Variants in DCPS observed in about 807,000 individuals in gnomAD.
DCPS encodes the protein m7GpppX diphosphatase.
Under a neutral mutation model 34.7 loss-of-function variants are expected in DCPS, and 27 were observed. The ratio of observed to expected loss-of-function variants is 0.78; its 90% CI spans 0.57 to 1.07. The LOEUF (loss-of-function observed/expected upper bound fraction) is 1.07. Ranked by LOEUF, DCPS falls within the 50% of genes least tolerant of loss-of-function variation. DCPS has a pLI of 0.00. For synonymous variants in DCPS, 185 were observed against 185.7 expected, an observed-to-expected ratio of 1.00 and a Z score of 0.03; for missense variants, 464 against 436.9, an observed-to-expected ratio of 1.06 and a Z score of -0.55.
Position 126,347,418 on chromosome 11 carries a change from T to C in DCPS, c.*1805T>C, listed in dbSNP as rs530372794. 2.6e-5 allele frequency among the ~76,000 whole-genome samples: 4 copies of C among 152,154 alleles called. No homozygotes were observed. The South Asian group carries it at 8.3e-4, about 32-fold the overall frequency. ...TTTGTATTTTTAGTAGAGACGGGGT[T>C]TCACCATGTTGGCCAGGCTGGTCTC... is the stretch of plus-strand genomic sequence containing the variant. On this transcript the variant is annotated 3_prime_UTR_variant, in exon 6 of 6. Transcript: ENST00000263579. This position sits in a 1 kb window ranked among gnomAD's most constrained non-coding sequence, Gnocchi z 4.2.
Position 126,329,575 on chromosome 11 carries a change from T to C in DCPS, c.377-1830T>C, listed in dbSNP as rs1951766126. Among the ~76,000 whole-genome samples the C allele has an allele frequency of 6.6e-6, 1 of 152,168 alleles. No individual in the cohort carries two copies. Among genetic ancestry groups the C allele is most frequent in the South Asian group, 2.1e-4 (1 of 4,834 alleles). On this transcript the variant is annotated intron_variant, in intron 2 of 5. Coordinates refer to ENST00000263579, the MANE Select transcript of DCPS (RefSeq NM_014026.6). The surrounding 1 kb of genome is among the most constrained non-coding windows in gnomAD (Gnocchi z 5.0). ...CAGAAGCCACGTGCCTGGTATGTCA[T>C]CTCTGTGCATCCCCACTGGGACTTG...
At position 126,337,179 on chromosome 11, in the gene DCPS, C is replaced by G. The variant is rs1158106501; in HGVS notation, c.523-1107C>G. ...TCGGTTCCCTGGCCTCCCCATCCCACCTCGTGTCCATGGCTCCTTCTCCTA... is the reference window on the plus strand; with the variant it reads ...TCGGTTCCCTGGCCTCCCCATCCCAGCTCGTGTCCATGGCTCCTTCTCCTA... On this transcript the variant is annotated intron_variant, in intron 3 of 5. Transcript: ENST00000263579. This position sits in a 1 kb window ranked among gnomAD's most constrained non-coding sequence, Gnocchi z 5.3. 6.6e-6 allele frequency: 1 copy of G among 152,254 alleles called. No individual in the cohort carries two copies. Among genetic ancestry groups the G allele is most frequent in the Non-Finnish European group, 1.5e-5 (1 of 68,076 alleles). 9.4% of individuals were successfully genotyped at this position (152,254 alleles called of 1,614,324 possible). A position where few individuals can be genotyped will look rare whatever the true frequency, so the allele number is the denominator to read the frequency against.
At chr11:126,343,212 GTGGGTGCTTCC>G in intron 4 of DCPS, 84 bp from the exon 5 acceptor site, 1 of 961,146 alleles carries the variant, frequency 1.0e-6, no homozygotes, top group Non-Finnish European at 1.6e-6. Context: ...GGCCTCAGGG[GTGGGTGCTTCC>G]TGGCTTACGT....
rs1216078924 is a variant in DCPS, at chr11:126,349,710, C to T, written c.*4097C>T. 2.0e-5 allele frequency among the ~76,000 whole-genome samples: 3 copies of T among 152,170 alleles called. No homozygotes were observed. The highest frequency in any genetic ancestry group is 6.5e-5 in the Admixed American group (1 of 15,282). Reference sequence around the variant, plus strand: ...GATGTAGGTCTGCCAACTCTTCCTTCTCAGGAAGGACTGTTTTTATTCCAA... The same window carrying T: ...GATGTAGGTCTGCCAACTCTTCCTTTTCAGGAAGGACTGTTTTTATTCCAA... On this transcript the variant is annotated 3_prime_UTR_variant, in exon 6 of 6. Transcript: ENST00000263579. This position sits in a 1 kb window ranked among gnomAD's most constrained non-coding sequence, Gnocchi z 5.4.
rs544295379 is a variant in DCPS at position 126,347,784 on chromosome 11, G to A, written c.*2171G>A. 1.1e-4 allele frequency among the ~76,000 whole-genome samples: 17 copies of A among 152,312 alleles called. No homozygotes were observed. The highest frequency in any genetic ancestry group is 8.3e-4 in the South Asian group (4 of 4,832). Reference sequence around the variant, plus strand: ...TCCAGCTTGCAGGAATGCTCCCTGCGTCTCAGTTGTGCCCATTCCAGGTCC... The same window carrying A: ...TCCAGCTTGCAGGAATGCTCCCTGCATCTCAGTTGTGCCCATTCCAGGTCC... On this transcript the variant is annotated 3_prime_UTR_variant, in exon 6 of 6. Coordinates refer to ENST00000263579, the MANE Select transcript of DCPS (RefSeq NM_014026.6). This position sits in a 1 kb window ranked among gnomAD's most constrained non-coding sequence, Gnocchi z 4.2.
At position 126,327,015 on chromosome 11, in the gene DCPS, G is replaced by C. The variant is rs568169681; in HGVS notation, c.377-4390G>C. On this transcript the variant is annotated intron_variant, in intron 2 of 5. Coordinates refer to ENST00000263579, the MANE Select transcript of DCPS (RefSeq NM_014026.6). The surrounding 1 kb of genome is among the most constrained non-coding windows in gnomAD (Gnocchi z 4.1). ...TGTCTCCACATATACGTAGAATAAT[G>C]ATAACGATGGATATAAAAAAGGGTA... Among the ~76,000 whole-genome samples the C allele has an allele frequency of 1.4e-4, 21 of 152,264 alleles. No homozygotes were observed. The highest frequency in any genetic ancestry group is 4.6e-4 in the African/African-American group (19 of 41,552).
chr11:126,313,976 G>A lies in DCPS; in HGVS notation c.376+7232G>A, dbSNP rs183312228. ...TCAAGGGCTGCATCCTCATTCTGAA[G>A]TGTGGTTTTCAGTCACAGTTCTCAA... On this transcript the variant is annotated intron_variant, in intron 2 of 5. Coordinates refer to ENST00000263579, the MANE Select transcript of DCPS (RefSeq NM_014026.6). This position sits in a 1 kb window ranked among gnomAD's most constrained non-coding sequence, Gnocchi z 4.9. Among the ~76,000 whole-genome samples the A allele has an allele frequency of 4.2e-3, 645 of 152,332 alleles. 6 individuals are homozygous for A. The highest frequency in any genetic ancestry group is 0.015 in the African/African-American group (610 of 41,580).
In DCPS at chr11:126,345,723, C is replaced by A; in HGVS notation, c.*110C>A. ...AAATGTATTTTATACCGGCTTATTCCTAGTATTGAATAAACTAGCGGGCTC... is the reference window on the plus strand; with the variant it reads ...AAATGTATTTTATACCGGCTTATTCATAGTATTGAATAAACTAGCGGGCTC... On this transcript the variant is annotated 3_prime_UTR_variant, in exon 6 of 6. Transcript: ENST00000263579. The surrounding 1 kb of genome is among the most constrained non-coding windows in gnomAD (Gnocchi z 7.4). 1 of 1,484,908 alleles carries A rather than the reference C, an allele frequency of 6.7e-7. No individual in the cohort carries two copies. The highest frequency in any genetic ancestry group is 2.3e-5 in the East Asian group (1 of 43,594). 92.0% of individuals were successfully genotyped at this position (1,484,908 alleles called of 1,614,324 possible). A position where few individuals can be genotyped will look rare whatever the true frequency, so the allele number is the denominator to read the frequency against.
intron 4 of DCPS, among the ~76,000 whole-genome samples, chr11:126,343,082 A>G (rs540412792): frequency 6.6e-6 from 1 of 151,950 alleles, no homozygotes; most frequent in African/African-American, 2.4e-5. Context: ...AAAAAAAAAA[A>G]AAAAAGGACT....
At chr11:126,326,364 C>T (rs1454148485) in intron 2 of DCPS, among the ~76,000 whole-genome samples, 1 of 152,272 alleles carries the variant, frequency 6.6e-6, no homozygotes, top group East Asian at 1.9e-4. Flanking sequence ...GGGTCCCGGC[C>T]CTGAGCACCA....
rs756790687 is a variant in DCPS, at chr11:126,331,428, C to G, written c.400C>G (p.Pro134Ala). 6.2e-7 allele frequency: 1 copy of G among 1,613,990 alleles called. No homozygotes were observed. The highest frequency in any genetic ancestry group is 8.5e-7 in the Non-Finnish European group (1 of 1,180,020). Residue 134 changes from proline to alanine, a missense_variant, in exon 3 of 6, where the codon CCT becomes GCT. Coordinates refer to ENST00000263579, the MANE Select transcript of DCPS (RefSeq NM_014026.6). This position sits in a 1 kb window ranked among gnomAD's most constrained non-coding sequence, Gnocchi z 7.2. The stretch of plus-strand genomic sequence containing the variant: ...AGATGTAAAGACGACCGTGGTTTAC[C>G]CTGCCACAGAGAAACACCTGCAGAA... ...LNDVKTTVVY[P>A]ATEKHLQKYL...
intron 1 of DCPS, 75 bp downstream of exon 1, chr11:126,304,356 T>C (rs1951546100): frequency 6.4e-7 from 1 of 1,566,068 alleles, no homozygotes; most frequent in South Asian, 1.1e-5. Context: ...GATTTTTTTT[T>C]TTCGGATCTC....
rs1387847681 is a variant in DCPS at position 126,316,308 on chromosome 11, A to G, written c.376+9564A>G. Among the ~76,000 whole-genome samples, 7 of 151,572 alleles carry G rather than the reference A, an allele frequency of 4.6e-5. 1 individual carries two copies. The highest frequency in any genetic ancestry group is 7.3e-5 in the African/African-American group (3 of 41,132). ...ACAAATGTATAAACTTTCTTAAAAC[A>G]TGAGATTTTTTCCGTGATTTCTTTT... On this transcript the variant is annotated intron_variant, in intron 2 of 5. Coordinates refer to ENST00000263579, the MANE Select transcript of DCPS (RefSeq NM_014026.6).
chr11:126,338,006 C>T lies in DCPS; in HGVS notation c.523-280C>T. On this transcript the variant is annotated intron_variant, in intron 3 of 5. Coordinates refer to ENST00000263579, the MANE Select transcript of DCPS (RefSeq NM_014026.6). This position sits in a 1 kb window ranked among gnomAD's most constrained non-coding sequence, Gnocchi z 5.4. ...GCCTCCGCAGAGCATGTGCACTATG[C>T]TGACCAGGAAGAGCCTGGCCCCTTC... The T allele has an allele frequency of 2.2e-6, 1 of 460,912 alleles. No individual in the cohort carries two copies. Among genetic ancestry groups the T allele is most frequent in the Non-Finnish European group, 4.0e-6 (1 of 250,076 alleles). 28.6% of individuals were successfully genotyped at this position (460,912 alleles called of 1,614,324 possible).
chr11:126,307,835 A>G (rs1488094597), intron 2 of DCPS, among the ~76,000 whole-genome samples: 3 of 152,252 alleles, frequency 2.0e-5, no homozygotes, highest in African/African-American at 7.2e-5. Context: ...GGAGGACTTT[A>G]CGAATGAGGA....
intron 2 of DCPS, among the ~76,000 whole-genome samples, chr11:126,314,357 G>C (rs1345402419): frequency 6.6e-6 from 1 of 152,156 alleles, no homozygotes; most frequent in East Asian, 1.9e-4. Context: ...TGGTGTGGAT[G>C]CAGTGAAAAG....
In DCPS at chr11:126,313,214, G is replaced by A. The variant is rs1951631965; in HGVS notation, c.376+6470G>A. On this transcript the variant is annotated intron_variant, in intron 2 of 5. Transcript: ENST00000263579. The surrounding 1 kb of genome is among the most constrained non-coding windows in gnomAD (Gnocchi z 4.9). Reference sequence around the variant, plus strand: ...CATTTGTGAGTGAGGCCAGGGCGGGGAGCAGAGGGGTGGGATCCTGGGAAT... The same window carrying A: ...CATTTGTGAGTGAGGCCAGGGCGGGAAGCAGAGGGGTGGGATCCTGGGAAT... Among the ~76,000 whole-genome samples the A allele has an allele frequency of 6.6e-6, 1 of 152,180 alleles. No individual in the cohort carries two copies. Among genetic ancestry groups the A allele is most frequent in the Non-Finnish European group, 1.5e-5 (1 of 68,038 alleles).
In DCPS at chr11:126,323,541, CTT is replaced by C. The variant is rs11291658; in HGVS notation, c.377-7853_377-7852del. On this transcript the variant is annotated intron_variant, in intron 2 of 5. Coordinates refer to ENST00000263579, the MANE Select transcript of DCPS (RefSeq NM_014026.6). The surrounding 1 kb of genome is among the most constrained non-coding windows in gnomAD (Gnocchi z 4.4). The stretch of plus-strand genomic sequence containing the variant: ...TATTAAAGTTGCATTTCTTTCTTTT[CTT>C]TTTTTTTTTTGAGACAGGGTCTTGC... 2.0e-4 allele frequency among the ~76,000 whole-genome samples: 30 copies of C among 147,396 alleles called. No individual in the cohort carries two copies. The highest frequency in any genetic ancestry group is 3.4e-4 in the Admixed American group (5 of 14,792).
In DCPS at chr11:126,343,377, A is replaced by G. The variant is rs759691787; in HGVS notation, c.707A>G (p.Glu236Gly). The change falls in exon 5 of 6, where the codon GAG becomes GGG. Residue 236 changes from glutamate to glycine, a missense_variant. Transcript: ENST00000263579. ...GIRSLRDLTP[E>G]HLPLLRNILH... ...AGATCCCTACGCGACCTTACTCCGG[A>G]GCACTTGCCGCTGCTCAGGAACATC... 6.2e-7 allele frequency: 1 copy of G among 1,613,978 alleles called. No individual in the cohort carries two copies. Among genetic ancestry groups the G allele is most frequent in the South Asian group, 1.1e-5 (1 of 91,044 alleles).
Sources: allele counts gnomAD v4.1 joint callset (sites outside exome capture counted in the v4.1 genomes callset), GRCh38; gene constraint gnomAD v4.1.1; non-coding constraint Gnocchi (gnomAD v3.1); transcripts MANE v1.5; gene names NCBI Gene and HGNC (gene_info 2026-07-23, HGNC 2026-07-21).